Variants in PIK3C2A observed in about 807,000 individuals in gnomAD.
The protein encoded by PIK3C2A is phosphatidylinositol-4-phosphate 3-kinase catalytic subunit type 2 alpha.
In PIK3C2A, 97 loss-of-function variants were observed where a neutral mutation model predicts 204.5. The observed-to-expected ratio is 0.47, with a 90% confidence interval of 0.40 to 0.56. The LOEUF (loss-of-function observed/expected upper bound fraction) is 0.56. PIK3C2A is among the 20% of genes least tolerant of loss of function. PIK3C2A has a pLI of 0.00. For synonymous variants in PIK3C2A, 653 were observed against 664.4 expected (o/e 0.98, Z 0.26); for missense variants, 1,735 against 1,969.2 (o/e 0.88, Z 2.25).
chr11:17,128,619 T>A (rs1322835974), intron 13 of PIK3C2A, among the ~76,000 whole-genome samples: 1 of 152,202 alleles, frequency 6.6e-6, no homozygotes, highest in Non-Finnish European at 1.5e-5. Flanking sequence ...ATCCCGAACT[T>A]ACCCAATTAT....
At chr11:17,095,859 A>C (rs1416468930) in intron 27 of PIK3C2A, among the ~76,000 whole-genome samples, 1 of 149,220 alleles carries the variant, frequency 6.7e-6, no homozygotes, top group Non-Finnish European at 1.5e-5. Context: ...CACAGGTTTC[A>C]GGAGACGAGA....
At chr11:17,171,986 T>C (rs1206685419) in intron 1 of PIK3C2A, among the ~76,000 whole-genome samples, 2 of 152,344 alleles carry the variant, frequency 1.3e-5, no homozygotes, top group South Asian at 2.1e-4. Context: ...TAGACAGGTA[T>C]AGAAAAATGT....
intron 28 of PIK3C2A, 47 bp from the exon 29 acceptor site, chr11:17,092,323 T>A: frequency 1.2e-6 from 1 of 841,538 alleles, no homozygotes. Flanking sequence ...AAGTACAATA[T>A]TTCCTTAGAA....
intron 32 of PIK3C2A, among the ~76,000 whole-genome samples, chr11:17,090,861 T>C (rs1446405094): frequency 6.6e-6 from 1 of 151,792 alleles, no homozygotes. Flanking sequence ...GACCTCAGCC[T>C]CCCGAGGAGC....
intron 28 of PIK3C2A, among the ~76,000 whole-genome samples, chr11:17,093,183 C>A (rs1468593399): frequency 6.6e-6 from 1 of 152,180 alleles, no homozygotes; most frequent in Admixed American, 6.5e-5. Flanking sequence ...ATCTACTGGT[C>A]ATTGAGCTAC....
At chr11:17,115,366 CTACAAGAAAAA>C (rs1383978313) in intron 19 of PIK3C2A, among the ~76,000 whole-genome samples, 1 of 107,164 alleles carries the variant, frequency 9.3e-6, no homozygotes, top group Non-Finnish European at 1.9e-5. Flanking sequence ...AACCCTGTCC[CTACAAGAAAAA>C]AAAAAAAAAA....
intron 25 of PIK3C2A, 54 bp downstream of exon 25, chr11:17,101,224 G>C: frequency 9.9e-7 from 1 of 1,007,118 alleles, no homozygotes; most frequent in Non-Finnish European, 1.4e-6. Context: ...TTTAAGTATT[G>C]AAACATAGAT....
At chr11:17,206,046 C>T (rs1852561507) in intron 1 of PIK3C2A, among the ~76,000 whole-genome samples, 1 of 152,168 alleles carries the variant, frequency 6.6e-6, no homozygotes, top group South Asian at 2.1e-4. Flanking sequence ...TCACTTGAAC[C>T]CTGGAGGTGG....
Position 17,194,324 on chromosome 11 carries a change from C to T in PIK3C2A, c.-66+13524G>A, listed in dbSNP as rs1852063285. 24 of 286,890 alleles carry T rather than the reference C, an allele frequency of 8.4e-5. No individual in the cohort carries two copies. In the South Asian group the frequency reaches 1.3e-3, roughly 16 times the overall value. The allele number at this position is 286,890 out of a possible 1,614,324, so 17.8% of individuals were successfully genotyped here. Reference sequence around the variant, plus strand: ...TTCAGAGTAGGTATCTGCCTGCCAACGTGAGGACACAAGGACTGGTGCAAC... The same window carrying T: ...TTCAGAGTAGGTATCTGCCTGCCAATGTGAGGACACAAGGACTGGTGCAAC... On this transcript the variant is annotated intron_variant, in intron 1 of 32. Coordinates refer to ENST00000691414, the MANE Select transcript of PIK3C2A (RefSeq NM_002645.4).
At position 17,100,962 on chromosome 11, in the gene PIK3C2A, C is replaced by G. The variant is rs148691451; in HGVS notation, c.4008+316G>C. Among the ~76,000 whole-genome samples, 5 of 152,216 alleles carry G rather than the reference C, an allele frequency of 3.3e-5. No homozygotes were observed. The East Asian group carries it at 9.7e-4, about 29-fold the overall frequency. ...GCTGAGTGAATGTTGACAATTCACA[C>G]CCATATTAATACACAAAACATTCAT... On this transcript the variant is annotated intron_variant, in intron 25 of 32. Transcript: ENST00000691414.
At chr11:17,119,750 CAATA>C (rs747059062) in intron 16 of PIK3C2A, 32 bp downstream of exon 16, 4 of 1,340,372 alleles carry the variant, frequency 3.0e-6, no homozygotes, top group Non-Finnish European at 4.1e-6. Context: ...GAAAAACTGA[CAATA>C]AAACAAGAGC....
At chr11:17,193,427 A>C in intron 1 of PIK3C2A, 1 of 311,186 alleles carries the variant, frequency 3.2e-6, no homozygotes, top group African/African-American at 2.2e-5. Context: ...ATTCAACTTA[A>C]AAATTGCTGA....
chr11:17,152,723 A>G (rs996103284), intron 3 of PIK3C2A, among the ~76,000 whole-genome samples: 2 of 152,136 alleles, frequency 1.3e-5, no homozygotes, highest in African/African-American at 4.8e-5. Flanking sequence ...CAGTATCTCT[A>G]TGCAGAAATG....
chr11:17,108,225 C>T (rs1015793993), intron 22 of PIK3C2A, among the ~76,000 whole-genome samples: 3 of 152,094 alleles, frequency 2.0e-5, no homozygotes, highest in African/African-American at 4.8e-5. Flanking sequence ...GGTTTTAAAA[C>T]GAACTCAACA....
chr11:17,155,633 T>A lies in PIK3C2A; in HGVS notation c.1066-4A>T. 5 of 1,558,462 alleles carry A rather than the reference T, an allele frequency of 3.2e-6. No homozygotes were observed. The highest frequency in any genetic ancestry group is 4.4e-6 in the Non-Finnish European group (5 of 1,133,010). ...TACTGGTCCCATTTGGGTCTTTCTG[T>A]AATTAAAAAAGTGTTTTTATTTTAA... On this transcript the variant is annotated splice_polypyrimidine_tract_variant and splice_region_variant and intron_variant, in intron 2 of 32. Transcript: ENST00000691414.
chr11:17,185,032 T>C (rs1271858216), intron 1 of PIK3C2A, among the ~76,000 whole-genome samples: 1 of 152,166 alleles, frequency 6.6e-6, no homozygotes, highest in African/African-American at 2.4e-5. Flanking sequence ...TCTACAGTAG[T>C]ATACAGTAAT....
intron 2 of PIK3C2A, among the ~76,000 whole-genome samples, chr11:17,165,396 G>C (rs1231247649): frequency 6.6e-6 from 1 of 152,062 alleles, no homozygotes; most frequent in South Asian, 2.1e-4. Context: ...CTAAATTTGG[G>C]AAGCCATTTG....
chr11:17,101,864 A>G (rs1283377420), intron 24 of PIK3C2A, among the ~76,000 whole-genome samples: 6 of 151,904 alleles, frequency 3.9e-5, no homozygotes, highest in Non-Finnish European at 5.9e-5. Flanking sequence ...TGGCCTCCCA[A>G]AGTGCTGGGA....
At chr11:17,095,963 TAAATAA>T (rs1848442866) in intron 27 of PIK3C2A, among the ~76,000 whole-genome samples, 1 of 150,360 alleles carries the variant, frequency 6.7e-6, no homozygotes, top group African/African-American at 2.4e-5. Flanking sequence ...AAAATAAAAA[TAAATAA>T]AAAGTCAGTT....
Sources: gnomAD v4.1 joint callset for allele counts (sites outside exome capture counted in the v4.1 genomes callset) on GRCh38, gnomAD v4.1.1 for gene constraint, MANE v1.5 for transcripts, NCBI Gene and HGNC (gene_info 2026-07-23, HGNC 2026-07-21) for gene names.